The following CEP112 variants were observed in gnomAD, a reference collection of about 807,000 sequenced individuals.
The protein encoded by CEP112 is centrosomal protein of 112 kDa.
CEP112 carries 127 observed loss-of-function variants against 153.0 expected under a neutral mutation model. The ratio of observed to expected loss-of-function variants is 0.83; its 90% CI spans 0.72 to 0.96. The LOEUF is 0.96. Among genes scored for constraint, CEP112 ranks in the 40% least tolerant of loss-of-function variants. The pLI, the probability that CEP112 is intolerant of heterozygous loss-of-function variation, is 0.00. For missense variants in CEP112, 1,089 were observed against 1,101.2 expected, an observed-to-expected ratio of 0.99 and a Z score of 0.16; for synonymous variants, 358 against 374.4, an observed-to-expected ratio of 0.96 and a Z score of 0.51.
chr17:66,071,842 A>G (rs375423365), intron 8 of CEP112, among the ~76,000 whole-genome samples: 5 of 152,312 alleles, frequency 3.3e-5, no homozygotes, highest in Admixed American at 6.5e-5. Flanking sequence ...ATACGAGGGA[A>G]GCAAACTCAG....
At chr17:66,051,264 A>G (rs2066428533) in intron 12 of CEP112, among the ~76,000 whole-genome samples, 1 of 151,050 alleles carries the variant, frequency 6.6e-6, no homozygotes, top group Admixed American at 6.6e-5. Flanking sequence ...TCTTAAACTG[A>G]GTCCTTCTTT....
intron 12 of CEP112, among the ~76,000 whole-genome samples, chr17:66,046,122 A>C (rs903789810): frequency 3.3e-5 from 5 of 151,746 alleles, no homozygotes; most frequent in Admixed American, 1.3e-4. Context: ...TCCTCACTGC[A>C]AGCTCCGCCT....
chr17:65,756,167 G>C (rs1294355055), intron 21 of CEP112, among the ~76,000 whole-genome samples: 1 of 152,166 alleles, frequency 6.6e-6, no homozygotes, highest in Non-Finnish European at 1.5e-5. Context: ...ACTCTGGGAG[G>C]CCAAGGCAGG....
At chr17:65,923,247 G>T (rs1181879995) in intron 19 of CEP112, among the ~76,000 whole-genome samples, 2 of 152,154 alleles carry the variant, frequency 1.3e-5, no homozygotes, top group Non-Finnish European at 2.9e-5. Context: ...TGTTGAAAAT[G>T]ATCTGTCAGC....
chr17:65,730,907 T>A (rs754545461), intron 23 of CEP112, among the ~76,000 whole-genome samples: 7 of 151,896 alleles, frequency 4.6e-5, no homozygotes, highest in Admixed American at 1.3e-4. Flanking sequence ...TTTCTATGCC[T>A]GCAAGCAAAA....
At chr17:65,937,570 G>T (rs1455495511) in intron 18 of CEP112, among the ~76,000 whole-genome samples, 5 of 110,458 alleles carry the variant, frequency 4.5e-5, no homozygotes, top group South Asian at 9.2e-4. Flanking sequence ...GGGAGGTGGG[G>T]GGGGTCAGCC....
At chr17:65,775,381 A>G (rs2053618558) in intron 21 of CEP112, among the ~76,000 whole-genome samples, 1 of 152,196 alleles carries the variant, frequency 6.6e-6, no homozygotes, top group Admixed American at 6.5e-5. Flanking sequence ...GGGTTGAGGA[A>G]GTAGAGACGG....
At chr17:65,897,949 T>C (rs925422192) in intron 20 of CEP112, among the ~76,000 whole-genome samples, 1 of 152,078 alleles carries the variant, frequency 6.6e-6, no homozygotes, top group African/African-American at 2.4e-5. Context: ...ATTACATAAT[T>C]AGAATTATAC....
chr17:65,741,508 T>C (rs2051135854), intron 23 of CEP112, among the ~76,000 whole-genome samples: 1 of 150,538 alleles, frequency 6.6e-6, no homozygotes, highest in African/African-American at 2.4e-5. Context: ...TAAATTATTA[T>C]TAAATAATTT....
rs561534390 is a variant in CEP112, at chr17:65,860,592, C to G, written c.2164-8558G>C. On this transcript the variant is annotated intron_variant, in intron 20 of 26. Coordinates refer to ENST00000535342, the MANE Select transcript of CEP112 (RefSeq NM_001199165.4). ...TGAAACAGAATTGAGAACCTAGAAA[C>G]AGGCTCACACTGGACAGAGCTGGCA... 3.3e-5 allele frequency among the ~76,000 whole-genome samples: 5 copies of G among 152,244 alleles called. No individual in the cohort carries two copies. The South Asian group carries it at 1.0e-3, about 32-fold the overall frequency.
chr17:65,970,287 G>A (rs1196398670), intron 17 of CEP112, among the ~76,000 whole-genome samples: 2 of 147,844 alleles, frequency 1.4e-5, no homozygotes, highest in Non-Finnish European at 3.0e-5. Context: ...ATGTAGCATG[G>A]ATGTCATACT....
intron 5 of CEP112, 36 bp from the exon 6 acceptor site, chr17:66,129,859 A>G: frequency 7.5e-7 from 1 of 1,326,954 alleles, no homozygotes; most frequent in Non-Finnish European, 1.1e-6. Context: ...GAGGAGAGGA[A>G]GGAAAGATGG....
intron 24 of CEP112, among the ~76,000 whole-genome samples, chr17:65,668,427 T>C (rs901526589): frequency 2.6e-5 from 4 of 152,214 alleles, no homozygotes; most frequent in Non-Finnish European, 5.9e-5. Context: ...AGAGACCTTA[T>C]TACCCCTGTG....
At chr17:65,657,913 G>A (rs1395293579) in intron 24 of CEP112, among the ~76,000 whole-genome samples, 1 of 152,174 alleles carries the variant, frequency 6.6e-6, no homozygotes, top group African/African-American at 2.4e-5. Flanking sequence ...CAAAGTTGTT[G>A]TTGAATAGGT....
At chr17:65,859,852 C>CAAAAAAAAA (rs573790538) in intron 20 of CEP112, among the ~76,000 whole-genome samples, 1 of 100,358 alleles carries the variant, frequency 1.0e-5, no homozygotes. Context: ...ACTAAAAATA[C>CAAAAAAAAA]AAAAAAAAAA....
rs2053530363 is a variant in CEP112 at position 65,773,980 on chromosome 17, G to A, written c.2395-23256C>T. ...CACACGCCTGTAATCCCAGCTACTTGGGAGCCTGAGGCAGGAGAATCACTT... is the reference window on the plus strand; with the variant it reads ...CACACGCCTGTAATCCCAGCTACTTAGGAGCCTGAGGCAGGAGAATCACTT... On this transcript the variant is annotated intron_variant, in intron 21 of 26. Transcript: ENST00000535342. Among the ~76,000 whole-genome samples the A allele has an allele frequency of 2.0e-5, 3 of 151,932 alleles. No homozygotes were observed. The South Asian group carries it at 6.3e-4, about 32-fold the overall frequency.
At chr17:65,792,480 CAGAACAA>C (rs1170644051) in intron 21 of CEP112, among the ~76,000 whole-genome samples, 1 of 151,754 alleles carries the variant, frequency 6.6e-6, no homozygotes, top group African/African-American at 2.4e-5. Context: ...TAAAACAATG[CAGAACAA>C]GTTACATACC....
intron 21 of CEP112, among the ~76,000 whole-genome samples, chr17:65,829,972 C>T (rs1379424134): frequency 1.3e-5 from 2 of 152,150 alleles, no homozygotes; most frequent in Non-Finnish European, 2.9e-5. Flanking sequence ...GTAATTATTT[C>T]TGTTCTTATT....
intron 20 of CEP112, among the ~76,000 whole-genome samples, chr17:65,897,433 T>A (rs745321370): frequency 1.3e-5 from 2 of 152,072 alleles, no homozygotes; most frequent in African/African-American, 2.4e-5. Context: ...TAGTTTTTCA[T>A]AACAAATTCA....
Sources: gnomAD v4.1 joint callset for allele counts (sites outside exome capture counted in the v4.1 genomes callset) on GRCh38, gnomAD v4.1.1 for gene constraint, MANE v1.5 for transcripts, NCBI Gene and HGNC (gene_info 2026-07-23, HGNC 2026-07-21) for gene names.